The following ASIC1 variants were observed in gnomAD, a reference collection of about 807,000 sequenced individuals.
ASIC1 encodes acid-sensing ion channel 1.
Under a neutral mutation model 63.4 loss-of-function variants are expected in ASIC1, and 21 were observed. The ratio of observed to expected loss-of-function variants is 0.33; its 90% CI spans 0.23 to 0.48. The LOEUF is 0.48. ASIC1 is among the 20% of genes least tolerant of loss of function. The pLI, the probability that ASIC1 is intolerant of heterozygous loss-of-function variation, is 0.99. For missense variants in ASIC1, 478 were observed against 695.5 expected (o/e 0.69, Z 3.52); for synonymous variants, 258 against 278.2 (o/e 0.93, Z 0.72).
chr12:50,058,956 C>T lies in ASIC1; in HGVS notation c.190C>T (p.Arg64Cys). The change falls in exon 2 of 12, where the codon CGT becomes TGT. Residue 64 changes from arginine (R) to cysteine (C), a missense_variant. Physicochemically the swap from Arg to Cys is radical, Grantham distance 180 (BLOSUM62 -3). This residue lies in a region of ASIC1 where 290 missense variants were observed against 414.9 expected (regional missense o/e 0.70). Transcript: ENST00000447966. ...TGTGCTGCTGTGTGTGTGCACGGAGCGTGTGCAGTACTACTTCCACTACCA... is the reference window on the plus strand; with the variant it reads ...TGTGCTGCTGTGTGTGTGCACGGAGTGTGTGCAGTACTACTTCCACTACCA... ...LAVLLCVCTE[R>C]VQYYFHYHHV... 9 of 1,614,098 alleles carry T rather than the reference C, an allele frequency of 5.6e-6. No individual in the cohort carries two copies. The highest frequency in any genetic ancestry group is 1.1e-5 in the South Asian group (1 of 91,090).
intron 8 of ASIC1, 64 bp from the exon 9 acceptor site, chr12:50,080,434 A>C: frequency 6.6e-7 from 1 of 1,515,980 alleles, no homozygotes; most frequent in Non-Finnish European, 9.1e-7. Flanking sequence ...TGCCAAGGTC[A>C]CCTGGTTAGT....
intron 3 of ASIC1, among the ~76,000 whole-genome samples, chr12:50,075,442 T>C (rs1366162484): frequency 1.3e-5 from 2 of 152,156 alleles, no homozygotes; most frequent in African/African-American, 2.4e-5. Flanking sequence ...ACACCTCTAA[T>C]CCCATACAAC....
Position 50,059,199 on chromosome 12 carries a change from C to T in ASIC1, c.362+71C>T, listed in dbSNP as rs774092298. 86 of 1,565,934 alleles carry T rather than the reference C, an allele frequency of 5.5e-5. 1 individual carries two copies. The Middle Eastern group carries it at 8.5e-4, about 15-fold the overall frequency. ...GAGTTCCAGTCAGGATGTCTGCCTC[C>T]CTGACCCACCATAGAGCCCAGCCAA... On this transcript the variant is annotated intron_variant, in intron 2 of 11. Transcript: ENST00000447966. This position sits in a 1 kb window ranked among gnomAD's most constrained non-coding sequence, Gnocchi z 4.6.
intron 3 of ASIC1, among the ~76,000 whole-genome samples, chr12:50,066,769 C>T (rs1372752826): frequency 6.6e-6 from 1 of 152,208 alleles, no homozygotes; most frequent in Non-Finnish European, 1.5e-5. Context: ...CTCTCTCACC[C>T]TCAGCGGATG....
chr12:50,063,482 C>CAGAGTGGAAATGCT (rs1186156347), intron 3 of ASIC1, among the ~76,000 whole-genome samples: 2 of 152,132 alleles, frequency 1.3e-5, no homozygotes, highest in East Asian at 3.9e-4. Context: ...AAGAGGAGGA[C>CAGAGTGGAAATGCT]AGAGTGGAAA....
At chr12:50,071,784 T>A (rs1437231668) in intron 3 of ASIC1, among the ~76,000 whole-genome samples, 1 of 152,218 alleles carries the variant, frequency 6.6e-6, no homozygotes, top group Admixed American at 6.5e-5. Context: ...CAGCTGGAAC[T>A]ACAGGTGCGT....
At position 50,074,316 on chromosome 12, in the gene ASIC1, T is replaced by C. The variant is rs1189381620; in HGVS notation, c.559-2897T>C. On this transcript the variant is annotated intron_variant, in intron 3 of 11. Coordinates refer to ENST00000447966, the MANE Select transcript of ASIC1 (RefSeq NM_001095.4). This position sits in a 1 kb window ranked among gnomAD's most constrained non-coding sequence, Gnocchi z 4.2. The stretch of plus-strand genomic sequence containing the variant: ...ATGGCTGTCCCTGACTGTCACCTCC[T>C]GGGGTTGGGGCTGGGGCTGGGGCTG... The C allele has an allele frequency of 2.8e-6, 4 of 1,405,642 alleles. No homozygotes were observed. The East Asian group carries it at 1.1e-4, about 37-fold the overall frequency. 87.1% of individuals were successfully genotyped at this position (1,405,642 alleles called of 1,614,324 possible).
rs61735039 is a variant in ASIC1 at position 50,058,952 on chromosome 12, G to A, written c.186G>A (p.Thr62=). Reference sequence around the variant, plus strand: ...TGGCTGTGCTGCTGTGTGTGTGCACGGAGCGTGTGCAGTACTACTTCCACT... The same window carrying A: ...TGGCTGTGCTGCTGTGTGTGTGCACAGAGCGTGTGCAGTACTACTTCCACT... The part of the protein sequence containing the change: ...GSLAVLLCVC[T]ERVQYYFHYH... Residue 62 remains threonine, a synonymous_variant, in exon 2 of 12, where the codon ACG becomes ACA. Coordinates refer to ENST00000447966, the MANE Select transcript of ASIC1 (RefSeq NM_001095.4). The A allele has an allele frequency of 9.9e-6, 16 of 1,614,014 alleles. No homozygotes were observed. The highest frequency in any genetic ancestry group is 2.2e-5 in the South Asian group (2 of 91,094).
chr12:50,076,487 G>T (rs1042230069), intron 3 of ASIC1, among the ~76,000 whole-genome samples: 1 of 150,022 alleles, frequency 6.7e-6, no homozygotes, highest in Non-Finnish European at 1.5e-5. Flanking sequence ...AACTGAGTTT[G>T]GGTCTTGGGG....
chr12:50,073,074 T>C (rs1023396301), intron 3 of ASIC1, among the ~76,000 whole-genome samples: 20 of 151,802 alleles, frequency 1.3e-4, no homozygotes, highest in African/African-American at 4.8e-4. Flanking sequence ...GAGGAACAGA[T>C]TGGAGGATGA....
Position 50,074,696 on chromosome 12 carries a change from G to A in ASIC1, c.559-2517G>A, listed in dbSNP as rs1033725295. 6.6e-6 allele frequency among the ~76,000 whole-genome samples: 1 copy of A among 152,086 alleles called. No individual in the cohort carries two copies. The highest frequency in any genetic ancestry group is 1.5e-5 in the Non-Finnish European group (1 of 68,008). ...CTGGGGTGGGTGCTGCCTGGTCTCT[G>A]GTGGTACAAGAGAAGGGAGTGAAAG... On this transcript the variant is annotated intron_variant, in intron 3 of 11. Transcript: ENST00000447966. This position sits in a 1 kb window ranked among gnomAD's most constrained non-coding sequence, Gnocchi z 4.2.
intron 3 of ASIC1, among the ~76,000 whole-genome samples, chr12:50,071,922 A>C (rs564796862): frequency 6.6e-6 from 1 of 152,124 alleles, no homozygotes; most frequent in African/African-American, 2.4e-5. Flanking sequence ...TTTAGGCAAA[A>C]GAGGAGGGCA....
chr12:50,068,709 T>A (rs1220121772), intron 3 of ASIC1, among the ~76,000 whole-genome samples: 1 of 151,658 alleles, frequency 6.6e-6, no homozygotes, highest in Non-Finnish European at 1.5e-5. Context: ...TCTTTACCTG[T>A]GTGCCTGATC....
Position 50,081,744 on chromosome 12 carries a change from C to T in ASIC1, c.*95C>T. 3 of 1,131,528 alleles carry T rather than the reference C, an allele frequency of 2.7e-6. No homozygotes were observed. The highest frequency in any genetic ancestry group is 2.7e-5 in the South Asian group (2 of 73,404). 70.1% of individuals were successfully genotyped at this position (1,131,528 alleles called of 1,614,324 possible). On this transcript the variant is annotated 3_prime_UTR_variant, in exon 12 of 12. Transcript: ENST00000447966. ...TCCTCACATCTGCCCTGGGGACTCC[C>T]CACACTCCGGGGCAGATCTTTCCTC...
intron 7 of ASIC1, 25 bp from the exon 8 acceptor site, chr12:50,079,877 A>G (rs404751): frequency 0.97 from 1,539,727 of 1,580,986 alleles, 750,583 homozygotes; most frequent in Non-Finnish European, 0.99. Context: ...CACTCAACTG[A>G]GACCTCTCAC....
intron 3 of ASIC1, among the ~76,000 whole-genome samples, chr12:50,065,278 G>A (rs575331567): frequency 6.6e-6 from 1 of 152,278 alleles, no homozygotes; most frequent in Non-Finnish European, 1.5e-5. Flanking sequence ...CCTTAGGTGT[G>A]CATTCTGGGA....
chr12:50,075,316 G>GC (rs1394306308), intron 3 of ASIC1, among the ~76,000 whole-genome samples: 1 of 152,194 alleles, frequency 6.6e-6, no homozygotes, highest in Admixed American at 6.5e-5. Context: ...CTACCTCTGG[G>GC]CCCGAGAGTA....
At position 50,058,951 on chromosome 12, in the gene ASIC1, C is replaced by T. The variant is rs200812466; in HGVS notation, c.185C>T (p.Thr62Met). ...CTGGCTGTGCTGCTGTGTGTGTGCACGGAGCGTGTGCAGTACTACTTCCAC... is the reference window on the plus strand; with the variant it reads ...CTGGCTGTGCTGCTGTGTGTGTGCATGGAGCGTGTGCAGTACTACTTCCAC... ...GSLAVLLCVC[T>M]ERVQYYFHYH... The change falls in exon 2 of 12, where the codon ACG becomes ATG. Residue 62 changes from threonine to methionine, a missense_variant. Around this residue, in one of 3 missense-constraint regions of ASIC1, gnomAD observed 290 missense variants for 414.9 expected, o/e 0.70. Coordinates refer to ENST00000447966, the MANE Select transcript of ASIC1 (RefSeq NM_001095.4). 3.3e-5 allele frequency: 53 copies of T among 1,614,124 alleles called. No homozygotes were observed. The highest frequency in any genetic ancestry group is 4.2e-5 in the Non-Finnish European group (50 of 1,179,992).
intron 11 of ASIC1, 61 bp downstream of exon 11, chr12:50,081,425 C>CCG: frequency 6.7e-7 from 1 of 1,494,488 alleles, no homozygotes; most frequent in Non-Finnish European, 9.1e-7. Flanking sequence ...CCAGGAACCC[C>CCG]GTCCACCCCC....
Sources: gnomAD v4.1 joint callset for allele counts (sites outside exome capture counted in the v4.1 genomes callset) on GRCh38, gnomAD v4.1.1 for gene constraint, gnomAD v4.1.1 regional missense constraint, Gnocchi (gnomAD v3.1) non-coding constraint, MANE v1.5 for transcripts, NCBI Gene and HGNC (gene_info 2026-07-23, HGNC 2026-07-21) for gene names.